Variants in RNF13 observed in about 807,000 individuals in gnomAD.
RNF13 encodes ring finger protein 13.
In RNF13, 19 loss-of-function variants were observed where a neutral mutation model predicts 37.7. The ratio of observed to expected loss-of-function variants is 0.50; its 90% CI spans 0.35 to 0.74. RNF13 has a LOEUF of 0.74. Ranked by LOEUF, RNF13 falls within the 30% of genes least tolerant of loss-of-function variation. The pLI is 0.01. For missense variants in RNF13, 375 were observed against 453.0 expected, an observed-to-expected ratio of 0.83 and a Z score of 1.56; for synonymous variants, 144 against 157.8, an observed-to-expected ratio of 0.91 and a Z score of 0.65.
At chr3:149,911,658 C>CA (rs969487729) in intron 6 of RNF13, among the ~76,000 whole-genome samples, 92 of 136,834 alleles carry the variant, frequency 6.7e-4, no homozygotes, top group Middle Eastern at 3.7e-3. Flanking sequence ...GGCTCCATCT[C>CA]AAAAAAAAAA....
chr3:149,825,230 GC>G (rs998972756), intron 1 of RNF13, among the ~76,000 whole-genome samples: 6 of 151,122 alleles, frequency 4.0e-5, no homozygotes, highest in African/African-American at 1.5e-4. Context: ...AGGCTGGAGT[GC>G]AGTGGCACAT....
chr3:149,873,721 CT>C (rs1372477592), intron 4 of RNF13, among the ~76,000 whole-genome samples: 1 of 152,172 alleles, frequency 6.6e-6, no homozygotes, highest in Non-Finnish European at 1.5e-5. Context: ...CTCAGGGAGC[CT>C]TACTTTTCTT....
At chr3:149,890,918 CA>C (rs1714630658) in intron 4 of RNF13, among the ~76,000 whole-genome samples, 1 of 152,190 alleles carries the variant, frequency 6.6e-6, no homozygotes, top group Non-Finnish European at 1.5e-5. Context: ...ATCAGCTCTT[CA>C]CACAATATTT....
intron 3 of RNF13, among the ~76,000 whole-genome samples, chr3:149,853,120 G>A (rs1382841991): frequency 6.6e-6 from 1 of 151,860 alleles, no homozygotes; most frequent in African/African-American, 2.4e-5. Flanking sequence ...CATTGCTTTA[G>A]TTTTTCATAG....
chr3:149,898,417 C>G (rs1435740828), intron 5 of RNF13, among the ~76,000 whole-genome samples: 2 of 152,092 alleles, frequency 1.3e-5, no homozygotes, highest in Non-Finnish European at 2.9e-5. Context: ...GAGGCTCTGC[C>G]TTCATATCTT....
At chr3:149,881,173 G>C (rs947534382) in intron 4 of RNF13, among the ~76,000 whole-genome samples, 78 of 152,266 alleles carry the variant, frequency 5.1e-4, no homozygotes, top group African/African-American at 1.9e-3. Context: ...AACTGGCAGG[G>C]ACACTAAGAA....
At chr3:149,903,961 GTCTGTCTGTCTA>G (rs1314797360) in intron 6 of RNF13, among the ~76,000 whole-genome samples, 1 of 150,774 alleles carries the variant, frequency 6.6e-6, no homozygotes, top group Admixed American at 6.6e-5. Flanking sequence ...CTGTCTGTCT[GTCTGTCTGTCTA>G]TCTATCTACC....
intron 1 of RNF13, among the ~76,000 whole-genome samples, chr3:149,824,691 C>G (rs1720311120): frequency 6.7e-6 from 1 of 149,734 alleles, no homozygotes; most frequent in Admixed American, 6.6e-5. Flanking sequence ...GATATACACA[C>G]AAATATAGTT....
intron 8 of RNF13, among the ~76,000 whole-genome samples, chr3:149,937,654 T>C (rs558581494): frequency 1.4e-4 from 21 of 152,318 alleles, no homozygotes; most frequent in African/African-American, 5.1e-4. Context: ...TTTTAAAATT[T>C]CTCTTGAGAT....
rs529354471 is a variant in RNF13, at chr3:149,956,303, G to A, written c.701-3753G>A. Among the ~76,000 whole-genome samples the A allele has an allele frequency of 4.6e-5, 7 of 152,298 alleles. No homozygotes were observed. The East Asian group carries it at 1.3e-3, about 29-fold the overall frequency. On this transcript the variant is annotated intron_variant, in intron 8 of 9. Transcript: ENST00000392894. ...AGAAGATTAGACCAGAGTAATCAAGGTGATGGAGAGAAGGGGAAAGATTCA... is the reference window on the plus strand; with the variant it reads ...AGAAGATTAGACCAGAGTAATCAAGATGATGGAGAGAAGGGGAAAGATTCA...
At chr3:149,908,994 T>C (rs751490403) in intron 6 of RNF13, among the ~76,000 whole-genome samples, 6 of 152,230 alleles carry the variant, frequency 3.9e-5, no homozygotes, top group Non-Finnish European at 7.3e-5. Flanking sequence ...TATTTAGGCA[T>C]GGACATAGAG....
At chr3:149,937,045 C>T (rs1249538603) in intron 8 of RNF13, among the ~76,000 whole-genome samples, 3 of 152,080 alleles carry the variant, frequency 2.0e-5, no homozygotes, top group Non-Finnish European at 2.9e-5. Flanking sequence ...GGAGTTTGTG[C>T]GCAGAGGACC....
chr3:149,828,717 C>G (rs1242261797), intron 1 of RNF13, among the ~76,000 whole-genome samples: 1 of 152,072 alleles, frequency 6.6e-6, no homozygotes, highest in East Asian at 1.9e-4. Context: ...TACCCACTGC[C>G]TATTGACTTG....
At chr3:149,955,314 A>G (rs1269059325) in intron 8 of RNF13, among the ~76,000 whole-genome samples, 1 of 151,838 alleles carries the variant, frequency 6.6e-6, no homozygotes, top group Non-Finnish European at 1.5e-5. Context: ...TCTAGCTATT[A>G]AAGACTTCTT....
At chr3:149,865,982 T>C (rs910764710) in intron 3 of RNF13, among the ~76,000 whole-genome samples, 1 of 152,096 alleles carries the variant, frequency 6.6e-6, no homozygotes, top group Non-Finnish European at 1.5e-5. Context: ...GGGCTCCTGG[T>C]TGGCCATTTT....
intron 6 of RNF13, among the ~76,000 whole-genome samples, chr3:149,911,039 T>G (rs772759341): frequency 7.9e-5 from 12 of 152,190 alleles, no homozygotes; most frequent in Non-Finnish European, 1.3e-4. Flanking sequence ...TTTCTGTAGT[T>G]TTTTTCAGTC....
intron 8 of RNF13, chr3:149,939,314 T>A: frequency 2.2e-6 from 1 of 464,408 alleles, no homozygotes; most frequent in Non-Finnish European, 4.1e-6. Context: ...CATCATCATC[T>A]TCTGCATCAG....
chr3:149,818,961 T>C (rs1719755231), intron 1 of RNF13, among the ~76,000 whole-genome samples: 1 of 152,142 alleles, frequency 6.6e-6, no homozygotes, highest in African/African-American at 2.4e-5. Context: ...GGCTTATCTA[T>C]GAGGTTGGAA....
chr3:149,920,917 A>G (rs778231983), intron 7 of RNF13, among the ~76,000 whole-genome samples: 9 of 151,862 alleles, frequency 5.9e-5, no homozygotes, highest in Non-Finnish European at 1.3e-4. Context: ...GATAATCAAG[A>G]TCAATTAATA....
Sources: allele counts gnomAD v4.1 joint callset (sites outside exome capture counted in the v4.1 genomes callset), GRCh38; gene constraint gnomAD v4.1.1; transcripts MANE v1.5; gene names NCBI Gene and HGNC (gene_info 2026-07-23, HGNC 2026-07-21).